The following MPC2 variants were observed in gnomAD, a reference collection of about 807,000 sequenced individuals.
MPC2 encodes brain protein 44.
A neutral mutation model predicts 19.2 loss-of-function variants in MPC2; 19 were observed. That is an observed-to-expected ratio of 0.99 (90% CI 0.69 to 1.45). The LOEUF is 1.45. MPC2 is among the 40% of genes most tolerant of loss of function. The pLI is 0.00. For synonymous variants in MPC2, 61 were observed against 54.3 expected (o/e 1.12, Z -0.54); for missense variants, 122 against 153.0 (o/e 0.80, Z 1.07).
At chr1:167,926,692 T>C (rs910253918) in intron 2 of MPC2, among the ~76,000 whole-genome samples, 13 of 152,134 alleles carry the variant, frequency 8.5e-5, no homozygotes, top group African/African-American at 3.1e-4. Context: ...CATCCTCCAA[T>C]GCGCAGGACA....
chr1:167,922,609 C>T (rs1422584182), intron 3 of MPC2, among the ~76,000 whole-genome samples: 1 of 151,730 alleles, frequency 6.6e-6, no homozygotes, highest in East Asian at 1.9e-4. Context: ...AAAAAAAAAC[C>T]TGCTCCCTAG....
At chr1:167,918,999 G>A (rs1375345365) in intron 5 of MPC2, among the ~76,000 whole-genome samples, 2 of 152,118 alleles carry the variant, frequency 1.3e-5, no homozygotes, top group Admixed American at 6.5e-5. Context: ...TGACAAACTT[G>A]TGAACATATG....
At chr1:167,929,080 C>A (rs577403509) in intron 2 of MPC2, among the ~76,000 whole-genome samples, 3 of 152,086 alleles carry the variant, frequency 2.0e-5, no homozygotes, top group Admixed American at 6.6e-5. Flanking sequence ...ACATTTAGGC[C>A]GGGCGTGGTG....
rs547776992 is a variant in MPC2 at position 167,927,685 on chromosome 1, T to C, written c.110-3148A>G. 2.1e-4 allele frequency among the ~76,000 whole-genome samples: 31 copies of C among 150,334 alleles called. No homozygotes were observed. In the East Asian group the frequency reaches 4.1e-3, roughly 20 times the overall value. ...TAAATGGTTGATCCTTTGGGGTTAA[T>C]AGTCGATCTTTTCAGTAGGTTTGCC... On this transcript the variant is annotated intron_variant, in intron 2 of 5. Coordinates refer to ENST00000271373, the MANE Select transcript of MPC2 (RefSeq NM_001143674.4).
chr1:167,935,107 G>T (rs555756373), intron 2 of MPC2, among the ~76,000 whole-genome samples: 1 of 152,300 alleles, frequency 6.6e-6, no homozygotes, highest in Admixed American at 6.5e-5. Flanking sequence ...AGTGGTAGAA[G>T]AGAATGATAT....
chr1:167,919,471 G>A (rs116181569), intron 5 of MPC2, among the ~76,000 whole-genome samples: 1,786 of 152,218 alleles, frequency 0.012, 27 homozygotes, highest in African/African-American at 0.04. Context: ...ATTAACTACT[G>A]AGTAAATAGT....
chr1:167,935,214 G>A (rs1361913416), intron 2 of MPC2, among the ~76,000 whole-genome samples: 5 of 152,202 alleles, frequency 3.3e-5, no homozygotes, highest in Admixed American at 6.5e-5. Flanking sequence ...TATGGGATGA[G>A]AAATGACACT....
chr1:167,920,226 A>G (rs1159031984), intron 4 of MPC2, 136 bp from the exon 5 acceptor site: 2 of 619,580 alleles, frequency 3.2e-6, no homozygotes, highest in Non-Finnish European at 5.5e-6. Flanking sequence ...TGAATTTTCA[A>G]TGTTTCTGTA....
chr1:167,933,174 T>TTG (rs1018284695), intron 2 of MPC2, among the ~76,000 whole-genome samples: 1 of 151,728 alleles, frequency 6.6e-6, no homozygotes, highest in African/African-American at 2.4e-5. Context: ...CATTAGTTTT[T>TTG]TTTTTTTTTT....
intron 3 of MPC2, among the ~76,000 whole-genome samples, chr1:167,921,770 G>A (rs1012869434): frequency 2.0e-5 from 3 of 152,024 alleles, no homozygotes; most frequent in Non-Finnish European, 2.9e-5. Context: ...GCACTGTAGT[G>A]TAATTTATCC....
At chr1:167,936,150 C>G in intron 1 of MPC2, 1 of 342,216 alleles carries the variant, frequency 2.9e-6, no homozygotes, top group Non-Finnish European at 5.5e-6. Context: ...TGCGCTGCGC[C>G]CTGCTGGCAG....
intron 2 of MPC2, among the ~76,000 whole-genome samples, chr1:167,930,565 T>A (rs1246829875): frequency 6.6e-6 from 1 of 152,186 alleles, no homozygotes; most frequent in Admixed American, 6.5e-5. Context: ...CCTAAGAGAA[T>A]ACCAAATTAT....
chr1:167,934,378 AC>A (rs1671000689), intron 2 of MPC2, among the ~76,000 whole-genome samples: 1 of 152,212 alleles, frequency 6.6e-6, no homozygotes, highest in East Asian at 1.9e-4. Flanking sequence ...CCAGATTATT[AC>A]AAAAAGCATA....
chr1:167,935,923 CT>C, intron 1 of MPC2, 25 bp from the exon 2 acceptor site: 2 of 1,080,250 alleles, frequency 1.9e-6, no homozygotes, highest in Non-Finnish European at 2.8e-6. Context: ...GAGCTAGTCA[CT>C]TTTCCTGCCA....
chr1:167,936,857 C>CAACAACCCAA, intron 1 of MPC2, 82 bp downstream of exon 1: 1 of 1,416,078 alleles, frequency 7.1e-7, no homozygotes, highest in Non-Finnish European at 9.7e-7. Context: ...GTCCCCTCCC[C>CAACAACCCAA]CTCCTCCCCT....
intron 5 of MPC2, 33 bp downstream of exon 5, chr1:167,919,946 C>A (rs2102527283): frequency 6.6e-7 from 1 of 1,523,930 alleles, no homozygotes. Flanking sequence ...GTAGCTTTTG[C>A]AACAGTTTTA....
intron 2 of MPC2, among the ~76,000 whole-genome samples, chr1:167,928,544 C>T (rs997594396): frequency 1.1e-4 from 16 of 151,852 alleles, no homozygotes; most frequent in Admixed American, 4.6e-4. Context: ...GATATGGTAG[C>T]GAAAAAACAT....
chr1:167,932,137 G>A (rs992652060), intron 2 of MPC2, among the ~76,000 whole-genome samples: 3 of 152,108 alleles, frequency 2.0e-5, no homozygotes, highest in African/African-American at 4.8e-5. Context: ...TCAGATAGCT[G>A]TTTTTGGGAC....
intron 3 of MPC2, among the ~76,000 whole-genome samples, chr1:167,922,873 T>A (rs1383678605): frequency 1.3e-5 from 2 of 152,098 alleles, no homozygotes; most frequent in Non-Finnish European, 2.9e-5. Flanking sequence ...TTGATTAAAT[T>A]AAAAAACAGG....
Sources: allele counts gnomAD v4.1 joint callset (sites outside exome capture counted in the v4.1 genomes callset), GRCh38; gene constraint gnomAD v4.1.1; transcripts MANE v1.5; gene names NCBI Gene and HGNC (gene_info 2026-07-23, HGNC 2026-07-21).